Variants in NDC1 observed in about 807,000 individuals in gnomAD.
NDC1 encodes the protein nucleoporin NDC1.
A neutral mutation model predicts 89.8 loss-of-function variants in NDC1; 24 were observed. The ratio of observed to expected loss-of-function variants is 0.27; its 90% CI spans 0.19 to 0.38. NDC1 has a LOEUF of 0.38. Ranked by LOEUF, NDC1 falls within the 10% of genes least tolerant of loss-of-function variation. The probability of loss-of-function intolerance (pLI) is 1.00; values close to 1 mark genes in which losing one functional copy is unlikely to be tolerated. For synonymous variants in NDC1, 296 were observed against 284.8 expected, an observed-to-expected ratio of 1.04 and a Z score of -0.39; for missense variants, 728 against 797.6, an observed-to-expected ratio of 0.91 and a Z score of 1.05.
At chr1:53,831,357 C>T (rs926456691) in intron 3 of NDC1, among the ~76,000 whole-genome samples, 5 of 150,662 alleles carry the variant, frequency 3.3e-5, no homozygotes, top group Non-Finnish European at 5.9e-5. Context: ...GGAACATGTA[C>T]ATTTAAAAAA....
At chr1:53,810,103 A>G (rs1648254124) in intron 6 of NDC1, among the ~76,000 whole-genome samples, 2 of 152,236 alleles carry the variant, frequency 1.3e-5, no homozygotes, top group Admixed American at 6.5e-5. Context: ...GTGCATTATA[A>G]TCTGTGACCC....
chr1:53,815,552 T>C (rs539104617), intron 6 of NDC1, among the ~76,000 whole-genome samples: 5 of 152,320 alleles, frequency 3.3e-5, no homozygotes, highest in South Asian at 4.1e-4. Context: ...CAGACAAGAA[T>C]GCCCACTCTC....
intron 6 of NDC1, 45 bp downstream of exon 6, chr1:53,818,926 G>A (rs1265875608): frequency 3.5e-6 from 3 of 848,216 alleles, no homozygotes; most frequent in East Asian, 5.1e-5. Flanking sequence ...CATTTTCTGG[G>A]CTATGAGATA....
At chr1:53,814,948 A>G (rs1648429981) in intron 6 of NDC1, among the ~76,000 whole-genome samples, 1 of 152,230 alleles carries the variant, frequency 6.6e-6, no homozygotes, top group Non-Finnish European at 1.5e-5. Flanking sequence ...AAGCAGTGAG[A>G]TTGAAATGGT....
Position 53,797,200 on chromosome 1 carries a change from G to A in NDC1, c.1223-56C>T, listed in dbSNP as rs1452838535. 7 of 1,568,248 alleles carry A rather than the reference G, an allele frequency of 4.5e-6. No homozygotes were observed. In the Middle Eastern group the frequency reaches 6.8e-4, roughly 153 times the overall value. On this transcript the variant is annotated intron_variant, in intron 11 of 17. Transcript: ENST00000371429. The stretch of plus-strand genomic sequence containing the variant: ...GCAACCTGATCCAAGCAGGCTAGCA[G>A]CAACGCTTTCAAATTCTACACATAC...
intron 16 of NDC1, among the ~76,000 whole-genome samples, chr1:53,781,110 C>T (rs1460816525): frequency 7.9e-5 from 12 of 152,032 alleles, no homozygotes; most frequent in Non-Finnish European, 1.6e-4. Context: ...CCTGCCTCAG[C>T]CTCTCAAAAC....
At chr1:53,811,186 C>T (rs567103956) in intron 6 of NDC1, among the ~76,000 whole-genome samples, 1 of 152,296 alleles carries the variant, frequency 6.6e-6, no homozygotes, top group South Asian at 2.1e-4. Flanking sequence ...AGAAGGTTGA[C>T]CAGAGGAGCA....
chr1:53,804,147 C>T (rs1648023598), intron 9 of NDC1, 138 bp from the exon 10 acceptor site: 1 of 640,862 alleles, frequency 1.6e-6, no homozygotes, highest in Admixed American at 3.0e-5. Context: ...AGAACCATAA[C>T]CTTCCTTTCT....
intron 2 of NDC1, among the ~76,000 whole-genome samples, chr1:53,835,160 G>A (rs188428523): frequency 1.1e-4 from 16 of 152,186 alleles, no homozygotes; most frequent in East Asian, 3.9e-4. Flanking sequence ...CCACAATTTC[G>A]AATCGATGAC....
chr1:53,791,754 G>A (rs967674008), intron 14 of NDC1, among the ~76,000 whole-genome samples: 3 of 152,164 alleles, frequency 2.0e-5, no homozygotes, highest in Non-Finnish European at 4.4e-5. Flanking sequence ...TCACCATGTG[G>A]TCTGCCACTT....
intron 6 of NDC1, among the ~76,000 whole-genome samples, chr1:53,811,202 T>C (rs1648294691): frequency 6.6e-6 from 1 of 151,914 alleles, no homozygotes; most frequent in Non-Finnish European, 1.5e-5. Flanking sequence ...GAGCAGGGAG[T>C]AAAACTCCAC....
Position 53,787,131 on chromosome 1 carries a change from C to T in NDC1, c.1800+27G>A, listed in dbSNP as rs368850743. ...GGGTGGGAGGGGAAGATGACCTCTA[C>T]CCCCTCCCAACCCACAGATTTCTTA... On this transcript the variant is annotated intron_variant, in intron 16 of 17. Coordinates refer to ENST00000371429, the MANE Select transcript of NDC1 (RefSeq NM_018087.5). The T allele has an allele frequency of 1.2e-5, 16 of 1,286,676 alleles. No individual in the cohort carries two copies. The African/African-American group carries it at 1.9e-4, about 15-fold the overall frequency. 79.7% of individuals were successfully genotyped at this position (1,286,676 alleles called of 1,614,324 possible).
chr1:53,804,475 AT>A lies in NDC1; in HGVS notation c.985-467del, dbSNP rs1006445014. On this transcript the variant is annotated intron_variant, in intron 9 of 17. Transcript: ENST00000371429. ...GGCAGTGCCTAGCACGTGATACCTA[AT>A]TTTTTTTTTCCTTTTTTTGAGACAA... Among the ~76,000 whole-genome samples, 6 of 150,330 alleles carry A rather than the reference AT, an allele frequency of 4.0e-5. No individual in the cohort carries two copies. The South Asian group carries it at 6.4e-4, about 16-fold the overall frequency.
At chr1:53,772,754 A>C (rs554295734) in intron 16 of NDC1, among the ~76,000 whole-genome samples, 2 of 152,208 alleles carry the variant, frequency 1.3e-5, no homozygotes, top group African/African-American at 4.8e-5. Flanking sequence ...ACATAAAATA[A>C]AATAAAATAA....
intron 16 of NDC1, among the ~76,000 whole-genome samples, chr1:53,776,882 T>A (rs764697132): frequency 6.6e-6 from 1 of 152,170 alleles, no homozygotes. Context: ...CAAGAATAAC[T>A]AATGAGTAAT....
intron 6 of NDC1, among the ~76,000 whole-genome samples, chr1:53,812,705 T>G (rs1648351523): frequency 6.6e-6 from 1 of 152,168 alleles, no homozygotes; most frequent in African/African-American, 2.4e-5. Flanking sequence ...CAAGGAAAAC[T>G]TCCCTGGCCT....
intron 16 of NDC1, among the ~76,000 whole-genome samples, chr1:53,786,765 G>C (rs566365282): frequency 1.4e-3 from 212 of 152,156 alleles, no homozygotes; most frequent in African/African-American, 4.7e-3. Context: ...TGGTGAAATC[G>C]TAGCTCACTG....
At chr1:53,798,540 A>G (rs982095437) in intron 11 of NDC1, among the ~76,000 whole-genome samples, 1 of 150,074 alleles carries the variant, frequency 6.7e-6, no homozygotes, top group Non-Finnish European at 1.5e-5. Context: ...AATTTTCATT[A>G]TATGACTTTT....
intron 17 of NDC1, among the ~76,000 whole-genome samples, chr1:53,768,944 A>G (rs186551061): frequency 6.6e-6 from 1 of 152,274 alleles, no homozygotes; most frequent in East Asian, 1.9e-4. Flanking sequence ...TCTCTCTGCT[A>G]GCAGGTAGTA....
Sources: gnomAD v4.1 joint callset for allele counts (sites outside exome capture counted in the v4.1 genomes callset) on GRCh38, gnomAD v4.1.1 for gene constraint, MANE v1.5 for transcripts, NCBI Gene and HGNC (gene_info 2026-07-23, HGNC 2026-07-21) for gene names.